Variants in COL15A1 observed in about 807,000 individuals in gnomAD.
The protein encoded by COL15A1 is collagen alpha-1(XV) chain.
A neutral mutation model predicts 165.9 loss-of-function variants in COL15A1; 111 were observed. That is an observed-to-expected ratio of 0.67 (90% CI 0.57 to 0.78). The LOEUF (loss-of-function observed/expected upper bound fraction) is 0.78, where lower values mean the gene tolerates loss of function less well. Ranked by LOEUF, COL15A1 falls within the 30% of genes least tolerant of loss-of-function variation. COL15A1 has a pLI of 0.00. For missense variants in COL15A1, 1,745 were observed against 1,789.7 expected, an observed-to-expected ratio of 0.98 and a Z score of 0.45; for synonymous variants, 659 against 674.8, an observed-to-expected ratio of 0.98 and a Z score of 0.36.
At chr9:98,963,101 C>A (rs939642774) in intron 2 of COL15A1, among the ~76,000 whole-genome samples, 1 of 152,204 alleles carries the variant, frequency 6.6e-6, no homozygotes, top group Non-Finnish European at 1.5e-5. Context: ...ATGTGGGAGG[C>A]TGGTCAGCCT....
intron 2 of COL15A1, among the ~76,000 whole-genome samples, chr9:98,954,353 T>A (rs1334530961): frequency 6.6e-6 from 1 of 152,240 alleles, no homozygotes; most frequent in Non-Finnish European, 1.5e-5. Flanking sequence ...TTTGATGGAC[T>A]GTGTTTCAAG....
rs770786334 is a variant in COL15A1 at position 99,025,948 on chromosome 9, C to T, written c.2025C>T (p.Pro675=). 8 of 1,612,132 alleles carry T rather than the reference C, an allele frequency of 5.0e-6. No homozygotes were observed. Among genetic ancestry groups the T allele is most frequent in the South Asian group, 2.2e-5 (2 of 90,590 alleles). Residue 675 remains proline (P), a synonymous_variant, in exon 16 of 42, where the codon CCC becomes CCT. Transcript: ENST00000375001. ...QPGVDGATGL[P]GMKGEKGARG... is the part of the protein sequence containing the mutation. ...GAGTTGATGGAGCCACCGGCCTTCC[C>T]GGGATGAAAGGGGAGAAGGTACGGG...
At chr9:98,957,763 T>C (rs1837800542) in intron 2 of COL15A1, among the ~76,000 whole-genome samples, 2 of 152,194 alleles carry the variant, frequency 1.3e-5, no homozygotes, top group South Asian at 4.1e-4. Context: ...ACTGCAGCCT[T>C]GACCTCCCTG....
chr9:99,038,266 A>G (rs968728263), intron 21 of COL15A1, among the ~76,000 whole-genome samples: 1 of 152,130 alleles, frequency 6.6e-6, no homozygotes, highest in Non-Finnish European at 1.5e-5. Context: ...AAAATTCCAC[A>G]TGGAAAGATC....
intron 9 of COL15A1, among the ~76,000 whole-genome samples, chr9:99,008,346 G>T (rs1588512629): frequency 1.3e-5 from 2 of 152,144 alleles, no homozygotes; most frequent in South Asian, 2.1e-4. Flanking sequence ...AAGGTATGAG[G>T]CCAGCTTTCC....
chr9:99,024,782 G>T, intron 14 of COL15A1, 92 bp from the exon 15 acceptor site: 3 of 1,454,012 alleles, frequency 2.1e-6, no homozygotes, highest in Non-Finnish European at 2.8e-6. Flanking sequence ...ATGTAGGATT[G>T]TTGAAAGAAT....
chr9:98,990,865 C>T (rs562256196), intron 5 of COL15A1, among the ~76,000 whole-genome samples: 3 of 152,178 alleles, frequency 2.0e-5, no homozygotes, highest in Non-Finnish European at 4.4e-5. Context: ...CACGGACCCT[C>T]GCGGTGAGTG....
chr9:99,035,452 T>C, intron 19 of COL15A1, 34 bp downstream of exon 19: 1 of 1,612,650 alleles, frequency 6.2e-7, no homozygotes, highest in Non-Finnish European at 8.5e-7. Context: ...TTATGAGGGT[T>C]GTCACACTGT....
chr9:99,062,990 C>G (rs1564095813), intron 38 of COL15A1, 60 bp from the exon 39 acceptor site: 21 of 1,543,836 alleles, frequency 1.4e-5, no homozygotes, highest in Non-Finnish European at 1.8e-5. Context: ...CCTCAATACA[C>G]TCTGAAGAAC....
At position 99,004,853 on chromosome 9, in the gene COL15A1, A is replaced by G. The variant is rs1443801133; in HGVS notation, c.1201-45A>G. On this transcript the variant is annotated intron_variant, in intron 8 of 41. Coordinates refer to ENST00000375001, the MANE Select transcript of COL15A1 (RefSeq NM_001855.5). ...GTTCCTTACCACAGTGTGGTGGATC[A>G]GCATCATGGGGCACTGACGCGGTTC... 5.0e-6 allele frequency: 8 copies of G among 1,612,258 alleles called. No homozygotes were observed. In the Admixed American group the frequency reaches 6.7e-5, roughly 13 times the overall value.
intron 2 of COL15A1, among the ~76,000 whole-genome samples, chr9:98,977,080 G>A (rs1254813580): frequency 6.6e-6 from 1 of 152,176 alleles, no homozygotes; most frequent in Non-Finnish European, 1.5e-5. Flanking sequence ...GAAAGAAATG[G>A]CAGCTACCAT....
chr9:98,958,087 C>G (rs1023042456), intron 2 of COL15A1, among the ~76,000 whole-genome samples: 1 of 152,248 alleles, frequency 6.6e-6, no homozygotes, highest in Admixed American at 6.5e-5. Flanking sequence ...CCATGACATG[C>G]CGGAGGCAAC....
At position 99,024,991 on chromosome 9, in the gene COL15A1, GGGC is replaced by G. The variant is rs1192737714; in HGVS notation, c.1973_1975del (p.Gly658_Pro659delinsAla). 6.2e-7 allele frequency: 1 copy of G among 1,613,024 alleles called. No individual in the cohort carries two copies. ...AGAGGATGGACCTGCTGGTGAACCT[GGGC>G]CCCCGGTGAGCAACTGAAGTCTTCT... On this transcript the variant is annotated inframe_deletion, in exon 15 of 42. Transcript: ENST00000375001.
At chr9:99,026,695 T>G (rs922509799) in intron 16 of COL15A1, among the ~76,000 whole-genome samples, 5 of 152,196 alleles carry the variant, frequency 3.3e-5, no homozygotes, top group African/African-American at 1.2e-4. Context: ...GTCCTTTTCC[T>G]TTTGTCATCC....
intron 3 of COL15A1, among the ~76,000 whole-genome samples, chr9:98,987,091 A>G (rs987972378): frequency 6.6e-6 from 1 of 152,134 alleles, no homozygotes; most frequent in African/African-American, 2.4e-5. Flanking sequence ...AGGGGTCAGT[A>G]TGATACTGGC....
chr9:98,972,014 C>T (rs926644442), intron 2 of COL15A1, among the ~76,000 whole-genome samples: 1 of 152,158 alleles, frequency 6.6e-6, no homozygotes, highest in Non-Finnish European at 1.5e-5. Context: ...TGGTCAGCAC[C>T]CAACCCAATG....
intron 2 of COL15A1, among the ~76,000 whole-genome samples, chr9:98,971,836 G>T (rs1420482908): frequency 6.6e-6 from 1 of 152,182 alleles, no homozygotes. Flanking sequence ...GCAGAGCCGG[G>T]TCACAGGATG....
At position 99,038,674 on chromosome 9, in the gene COL15A1, A is replaced by C; in HGVS notation, c.2416A>C (p.Ile806Leu). The part of the protein sequence containing the change: ...GHIKVLSNSL[I>L]NITHGFMNFS... ...CTGATTTTTCTCTTTTCAGTCCTTG[A>C]TCAATATCACCCATGGATTCATGAA... is the stretch of plus-strand genomic sequence containing the variant. The change falls in exon 22 of 42, where the codon ATC (isoleucine) becomes CTC (leucine). Residue 806 changes from isoleucine to leucine, a missense_variant. Transcript: ENST00000375001. The C allele has an allele frequency of 6.2e-7, 1 of 1,602,802 alleles. No individual in the cohort carries two copies.
intron 13 of COL15A1, 89 bp downstream of exon 13, chr9:99,022,239 G>A: frequency 6.4e-7 from 1 of 1,557,392 alleles, no homozygotes; most frequent in Admixed American, 1.7e-5. Context: ...TCTCCTTTTT[G>A]GCCCCCAAAG....
Sources: allele counts gnomAD v4.1 joint callset (sites outside exome capture counted in the v4.1 genomes callset), GRCh38; gene constraint gnomAD v4.1.1; transcripts MANE v1.5; gene names NCBI Gene and HGNC (gene_info 2026-07-23, HGNC 2026-07-21).